Variants in PFKFB3 observed in about 807,000 individuals in gnomAD.
PFKFB3 encodes 6-phosphofructo-2-kinase/fructose-2,6-bisphosphatase 3.
PFKFB3 carries 33 observed loss-of-function variants against 68.0 expected under a neutral mutation model. The observed-to-expected ratio is 0.49, with a 90% CI of 0.37 to 0.65. The LOEUF (loss-of-function observed/expected upper bound fraction) is 0.65. Ranked by LOEUF, PFKFB3 falls within the 30% of genes least tolerant of loss-of-function variation. The probability of loss-of-function intolerance (pLI) is 0.00; values close to 1 mark genes in which losing one functional copy is unlikely to be tolerated. For missense variants in PFKFB3, 586 were observed against 712.2 expected (o/e 0.82, Z 2.02); for synonymous variants, 315 against 288.2 (o/e 1.09, Z -0.94).
chr10:6,215,406 C>G lies in PFKFB3; in HGVS notation c.299+89C>G, dbSNP rs184178643. 4.8e-5 allele frequency: 46 copies of G among 959,838 alleles called. No homozygotes were observed. In the South Asian group the frequency reaches 5.7e-4, roughly 12 times the overall value. 59.5% of individuals were successfully genotyped at this position (959,838 alleles called of 1,614,324 possible). On this transcript the variant is annotated intron_variant, in intron 3 of 14. Coordinates refer to ENST00000379775, the MANE Select transcript of PFKFB3 (RefSeq NM_004566.4). This position sits in a 1 kb window ranked among gnomAD's most constrained non-coding sequence, Gnocchi z 4.3. ...CTGGGCTGCAGGAGTAAGGCTGGGCCGCGGGCGTAGGGCTGGGCTGTGGGA... is the reference window on the plus strand; with the variant it reads ...CTGGGCTGCAGGAGTAAGGCTGGGCGGCGGGCGTAGGGCTGGGCTGTGGGA...
intron 14 of PFKFB3, among the ~76,000 whole-genome samples, chr10:6,253,784 G>C (rs532684531): frequency 1.3e-5 from 2 of 152,268 alleles, no homozygotes; most frequent in African/African-American, 4.8e-5. Context: ...GCTCACGCCT[G>C]TAATCCCAGC....
chr10:6,163,862 G>A (rs1289024865), intron 1 of PFKFB3: 1 of 152,072 alleles, frequency 6.6e-6, no homozygotes, highest in African/African-American at 2.4e-5. Flanking sequence ...CCTGCTCTGC[G>A]GCGACTGTCC....
At chr10:6,231,368 T>C (rs1443187767) in intron 14 of PFKFB3, 6 of 1,610,288 alleles carry the variant, frequency 3.7e-6, no homozygotes, top group East Asian at 2.2e-5. Flanking sequence ...GGCATCTGGG[T>C]CTGTGTGCAG....
the PFKFB3 span, among the ~76,000 whole-genome samples, chr10:6,272,448 CT>C: frequency 5.4e-3 from 827 of 152,260 alleles, 6 homozygotes; most frequent in African/African-American, 0.019. Context: ...AATCCTAGCA[CT>C]TTGGGAGGCC....
At position 6,221,361 on chromosome 10, in the gene PFKFB3, C is replaced by T. The variant is rs1588514758; in HGVS notation, c.832-20C>T. On this transcript the variant is annotated intron_variant, in intron 8 of 14. Coordinates refer to ENST00000379775, the MANE Select transcript of PFKFB3 (RefSeq NM_004566.4). ...GCTGCGGGCATCTGGAATCAGTGGT[C>T]CCCCTCCACCACCTCTCAGTTTGCC... The T allele has an allele frequency of 3.7e-6, 6 of 1,612,756 alleles. No homozygotes were observed. Among genetic ancestry groups the T allele is most frequent in the Admixed American group, 1.7e-5 (1 of 59,908 alleles).
At chr10:6,261,391 G>A in the PFKFB3 span, among the ~76,000 whole-genome samples, 3 of 152,266 alleles carry the variant, frequency 2.0e-5, no homozygotes, top group Middle Eastern at 3.4e-3. Context: ...CATAGATGGA[G>A]CTGGAGACTA....
intron 10 of PFKFB3, among the ~76,000 whole-genome samples, chr10:6,222,493 G>A (rs1845034096): frequency 6.6e-6 from 1 of 152,152 alleles, no homozygotes; most frequent in African/African-American, 2.4e-5. Flanking sequence ...GACCTGTTAG[G>A]AGCCGCTCCC....
At chr10:6,298,822 G>A in the PFKFB3 span, among the ~76,000 whole-genome samples, 2 of 152,180 alleles carry the variant, frequency 1.3e-5, no homozygotes, top group Admixed American at 6.5e-5. Context: ...AAGACATACC[G>A]GATCTGTTGG....
intron 1 of PFKFB3, among the ~76,000 whole-genome samples, chr10:6,210,086 A>C (rs1202792245): frequency 8.4e-6 from 1 of 119,374 alleles, no homozygotes; most frequent in African/African-American, 2.6e-5. Context: ...GTGCCTTGCC[A>C]GGGAGGGTGA....
the PFKFB3 span, among the ~76,000 whole-genome samples, chr10:6,276,216 C>T: frequency 1.3e-5 from 2 of 152,052 alleles, no homozygotes; most frequent in Non-Finnish European, 2.9e-5. Flanking sequence ...GGGTGGCATG[C>T]TATAGAAATA....
At chr10:6,156,293 G>A (rs914963564) in intron 1 of PFKFB3, among the ~76,000 whole-genome samples, 2 of 151,266 alleles carry the variant, frequency 1.3e-5, no homozygotes, top group Admixed American at 1.3e-4. Flanking sequence ...AGCTGGGACC[G>A]CAGGTGTGCG....
chr10:6,311,701 A>T, the PFKFB3 span, among the ~76,000 whole-genome samples: 1 of 152,146 alleles, frequency 6.6e-6, no homozygotes, highest in African/African-American at 2.4e-5. Flanking sequence ...GTGAGCCAAG[A>T]TTGCACCACT....
chr10:6,179,838 G>A (rs1035716304), intron 1 of PFKFB3, among the ~76,000 whole-genome samples: 1 of 152,152 alleles, frequency 6.6e-6, no homozygotes, highest in Non-Finnish European at 1.5e-5. Flanking sequence ...CTCCAAAGTG[G>A]GGAGGGAGTG....
intron 1 of PFKFB3, among the ~76,000 whole-genome samples, chr10:6,157,371 C>T (rs1057496429): frequency 3.9e-5 from 6 of 152,048 alleles, no homozygotes; most frequent in South Asian, 4.1e-4. Flanking sequence ...GGACTACAGG[C>T]GCCCGCCGCC....
chr10:6,267,176 C>T, the PFKFB3 span, among the ~76,000 whole-genome samples: 2 of 152,232 alleles, frequency 1.3e-5, no homozygotes, highest in Non-Finnish European at 2.9e-5. Flanking sequence ...GGGTTCACCA[C>T]AATCACACAA....
At chr10:6,268,221 C>T in the PFKFB3 span, among the ~76,000 whole-genome samples, 1 of 152,138 alleles carries the variant, frequency 6.6e-6, no homozygotes, top group African/African-American at 2.4e-5. Flanking sequence ...CCCAGTAATG[C>T]TGAAAGCATG....
chr10:6,224,100 G>A (rs778468293), intron 12 of PFKFB3, 49 bp from the exon 13 acceptor site: 2 of 1,612,506 alleles, frequency 1.2e-6, no homozygotes, highest in Non-Finnish European at 1.7e-6. Context: ...TGTAAGCGGT[G>A]CTGTCCCTTT....
chr10:6,187,949 T>TTCTATCTATCTATCTA (rs36144362), intron 1 of PFKFB3, among the ~76,000 whole-genome samples: 10,181 of 149,624 alleles, frequency 0.068, 640 homozygotes, highest in African/African-American at 0.15. Context: ...CCCTCTCCAT[T>TTCTATCTATCTATCTA]TCTATCTATC....
chr10:6,271,474 G>A, the PFKFB3 span, among the ~76,000 whole-genome samples: 3 of 152,208 alleles, frequency 2.0e-5, no homozygotes, highest in Admixed American at 6.5e-5. Flanking sequence ...CAGTGCTTGC[G>A]GAAGGGCTGG....
Sources: gnomAD v4.1 joint callset for allele counts (sites outside exome capture counted in the v4.1 genomes callset) on GRCh38, gnomAD v4.1.1 for gene constraint, Gnocchi (gnomAD v3.1) non-coding constraint, MANE v1.5 for transcripts, NCBI Gene and HGNC (gene_info 2026-07-23, HGNC 2026-07-21) for gene names.